The following LYAR variants were observed in gnomAD, a reference collection of about 807,000 sequenced individuals.
LYAR encodes cell growth-regulating nucleolar protein.
A neutral mutation model predicts 45.2 loss-of-function variants in LYAR; 37 were observed. The ratio of observed to expected loss-of-function variants is 0.82; its 90% confidence interval spans 0.63 to 1.08. LYAR has a LOEUF of 1.08. LYAR is among the 50% of genes least tolerant of loss of function. LYAR has a pLI of 0.00. For synonymous variants in LYAR, 176 were observed against 155.1 expected (o/e 1.14, Z -1.00); for missense variants, 493 against 451.0 (o/e 1.09, Z -0.84).
In LYAR at chr4:4,274,468, G is replaced by C. The variant is rs1452032392; in HGVS notation, c.731C>G (p.Ser244Cys). The change falls in exon 7 of 10, where the codon TCT becomes TGT. Residue 244 changes from serine (S) to cysteine (C), a missense_variant. Ser to Cys is a moderately radical substitution (Grantham distance 112, BLOSUM62 -1). Transcript: ENST00000343470. ...GGEEVPEANG[S>C]AGKRSKKKKQ... ...CTTCTTCTTGCTCCTCTTCCCTGCA[G>C]AGCCATTGGCCTCAGGGACTTCCTC... The C allele has an allele frequency of 3.1e-6, 5 of 1,614,022 alleles. No individual in the cohort carries two copies. The Admixed American group carries it at 6.7e-5, about 22-fold the overall frequency.
In LYAR at chr4:4,267,813, T is replaced by A; in HGVS notation, c.*76A>T. ...AAAAGCAAAATTTGAGTTGTTAGAA[T>A]TCATTACACATTTTATAAACAGCAG... On this transcript the variant is annotated 3_prime_UTR_variant, in exon 10 of 10. Transcript: ENST00000343470. The A allele has an allele frequency of 8.0e-7, 1 of 1,245,534 alleles. No homozygotes were observed. The allele number at this position is 1,245,534 out of a possible 1,614,324, so 77.2% of individuals were successfully genotyped here. A position where few individuals can be genotyped will look rare whatever the true frequency, so the allele number is the denominator to read the frequency against.
chr4:4,274,271 C>G, intron 7 of LYAR, 96 bp downstream of exon 7: 1 of 1,333,292 alleles, frequency 7.5e-7, no homozygotes, highest in South Asian at 1.4e-5. Flanking sequence ...CACACACACA[C>G]GCACACAAAA....
chr4:4,285,733 G>A (rs947994634), intron 2 of LYAR, among the ~76,000 whole-genome samples: 5 of 152,152 alleles, frequency 3.3e-5, no homozygotes, highest in African/African-American at 1.2e-4. Flanking sequence ...CTGTTGCTGA[G>A]GACAATTCTA....
At chr4:4,274,147 G>A (rs1719071703) in intron 7 of LYAR, among the ~76,000 whole-genome samples, 1 of 152,006 alleles carries the variant, frequency 6.6e-6, no homozygotes, top group Admixed American at 6.6e-5. Context: ...TGAGACAGAA[G>A]AATCGCTTGA....
At chr4:4,278,984 T>A (rs1719292214) in intron 6 of LYAR, among the ~76,000 whole-genome samples, 1 of 152,090 alleles carries the variant, frequency 6.6e-6, no homozygotes, top group Admixed American at 6.5e-5. Flanking sequence ...CTGCAGTGCA[T>A]TCAGTTTCTT....
chr4:4,278,300 A>C (rs1719270597), intron 6 of LYAR, among the ~76,000 whole-genome samples: 1 of 152,216 alleles, frequency 6.6e-6, no homozygotes, highest in Non-Finnish European at 1.5e-5. Context: ...ATAATTTGAT[A>C]AGAATGAAAG....
At chr4:4,273,141 G>A (rs368738831) in intron 8 of LYAR, among the ~76,000 whole-genome samples, 5 of 152,162 alleles carry the variant, frequency 3.3e-5, no homozygotes, top group East Asian at 3.8e-4. Flanking sequence ...AAAGGGAACC[G>A]GGTCTCAGAA....
At chr4:4,280,899 A>T (rs1218780090) in intron 4 of LYAR, among the ~76,000 whole-genome samples, 2 of 152,218 alleles carry the variant, frequency 1.3e-5, no homozygotes, top group Non-Finnish European at 2.9e-5. Context: ...AATAGATGAC[A>T]TCCGTCTTTT....
At chr4:4,281,673 G>C in intron 4 of LYAR, 110 bp downstream of exon 4, 1 of 797,766 alleles carries the variant, frequency 1.3e-6, no homozygotes, top group South Asian at 1.6e-5. Flanking sequence ...AGGACATGAG[G>C]TTTCCAGAGC....
chr4:4,273,484 G>C, intron 8 of LYAR, 99 bp downstream of exon 8: 1 of 784,130 alleles, frequency 1.3e-6, no homozygotes, highest in Non-Finnish European at 2.2e-6. Flanking sequence ...ACACTCCTGA[G>C]CTCAAGTGAC....
chr4:4,275,719 A>G (rs1296462105), intron 6 of LYAR, among the ~76,000 whole-genome samples: 1 of 34,142 alleles, frequency 2.9e-5, no homozygotes, highest in East Asian at 1.8e-3. Context: ...TTTTTTTGGG[A>G]CAGAGTCTCA....
At chr4:4,273,319 A>T (rs1421987892) in intron 8 of LYAR, among the ~76,000 whole-genome samples, 1 of 152,116 alleles carries the variant, frequency 6.6e-6, no homozygotes, top group African/African-American at 2.4e-5. Context: ...GGAGGGTAAG[A>T]CCCTACTAGA....
intron 3 of LYAR, among the ~76,000 whole-genome samples, chr4:4,282,941 T>C (rs928520231): frequency 6.6e-6 from 1 of 152,254 alleles, no homozygotes; most frequent in African/African-American, 2.4e-5. Flanking sequence ...ATCTCTCCAC[T>C]GTGATGGGCA....
At chr4:4,282,500 G>A (rs1719437000) in intron 3 of LYAR, among the ~76,000 whole-genome samples, 1 of 152,110 alleles carries the variant, frequency 6.6e-6, no homozygotes, top group Non-Finnish European at 1.5e-5. Flanking sequence ...TTCCTCCTAG[G>A]ATTACGTCTG....
At chr4:4,281,237 CT>C (rs1002437323) in intron 4 of LYAR, among the ~76,000 whole-genome samples, 2 of 151,924 alleles carry the variant, frequency 1.3e-5, no homozygotes, top group African/African-American at 4.8e-5. Context: ...AATTCTAAAA[CT>C]TTTTTTTCAA....
chr4:4,282,028 T>A (rs1279933866), intron 3 of LYAR, 131 bp from the exon 4 acceptor site: 7 of 599,550 alleles, frequency 1.2e-5, no homozygotes, highest in Non-Finnish European at 2.1e-5. Context: ...AAGCACCCCA[T>A]CTATTTCACT....
Position 4,283,688 on chromosome 4 carries a change from C to T in LYAR, c.55G>A (p.Glu19Lys). The T allele has an allele frequency of 6.2e-7, 1 of 1,612,812 alleles. No individual in the cohort carries two copies. Among genetic ancestry groups the T allele is most frequent in the South Asian group, 1.1e-5 (1 of 91,066 alleles). ...TTTCTGCAAACAGACACATGCTTTTCCACTTGTATTTTCTTCACTGATTCA... is the reference window on the plus strand; with the variant it reads ...TTTCTGCAAACAGACACATGCTTTTTCACTTGTATTTTCTTCACTGATTCA... ...CGESVKKIQV[E>K]KHVSVCRNCE... Residue 19 changes from glutamate to lysine, a missense_variant, in exon 3 of 10, where the codon GAA (glutamate) becomes AAA (lysine). Coordinates refer to ENST00000343470, the MANE Select transcript of LYAR (RefSeq NM_017816.3).
At chr4:4,284,079 T>C (rs1719513118) in intron 2 of LYAR, among the ~76,000 whole-genome samples, 1 of 152,222 alleles carries the variant, frequency 6.6e-6, no homozygotes, top group East Asian at 1.9e-4. Flanking sequence ...AGGACTATTA[T>C]TGTTCAAAAT....
At chr4:4,287,884 C>A (rs1719677625) in intron 1 of LYAR, among the ~76,000 whole-genome samples, 1 of 152,170 alleles carries the variant, frequency 6.6e-6, no homozygotes, top group African/African-American at 2.4e-5. Flanking sequence ...AAGGAGACCA[C>A]CCATGTCACA....
Sources: gnomAD v4.1 joint callset for allele counts (sites outside exome capture counted in the v4.1 genomes callset) on GRCh38, gnomAD v4.1.1 for gene constraint, MANE v1.5 for transcripts, NCBI Gene and HGNC (gene_info 2026-07-23, HGNC 2026-07-21) for gene names.